VTA1: variants seen among roughly 807,000 people sequenced by gnomAD.
The protein encoded by VTA1 is vesicle trafficking 1, also known as vacuolar protein sorting-associated protein VTA1 homolog.
In VTA1, 24 loss-of-function variants were observed where a neutral mutation model predicts 36.9. The ratio of observed to expected loss-of-function variants is 0.65; its 90% confidence interval spans 0.47 to 0.91. The LOEUF (loss-of-function observed/expected upper bound fraction) is 0.91. Ranked by LOEUF, VTA1 falls within the 40% of genes least tolerant of loss-of-function variation. The probability of loss-of-function intolerance (pLI) is 0.00; values close to 1 mark genes in which losing one functional copy is unlikely to be tolerated. For missense variants in VTA1, 393 were observed against 377.2 expected (o/e 1.04, Z -0.35); for synonymous variants, 142 against 130.2 (o/e 1.09, Z -0.62).
At chr6:142,213,999 G>GTT (rs375884348) in intron 7 of VTA1, among the ~76,000 whole-genome samples, 2 of 150,636 alleles carry the variant, frequency 1.3e-5, no homozygotes, top group Non-Finnish European at 3.0e-5. Context: ...AGAAAACAGG[G>GTT]TTTTTTTTTT....
rs928027588 is a variant in VTA1, at chr6:142,224,603, A to G, written c.*5960A>G. ...TTCACATGAAGCTTGATGCATTGTAAGTATTCTGACCTGGTGAAATAAATA... is the reference window on the plus strand; with the variant it reads ...TTCACATGAAGCTTGATGCATTGTAGGTATTCTGACCTGGTGAAATAAATA... On this transcript the variant is annotated 3_prime_UTR_variant, in exon 8 of 8. Coordinates refer to ENST00000367630, the MANE Select transcript of VTA1 (RefSeq NM_016485.5). 2.0e-5 allele frequency: 3 copies of G among 152,190 alleles called. No homozygotes were observed. Among genetic ancestry groups the G allele is most frequent in the South Asian group, 4.1e-4 (2 of 4,826 alleles). 9.4% of individuals were successfully genotyped at this position (152,190 alleles called of 1,614,324 possible). A position where few individuals can be genotyped will look rare whatever the true frequency, so the allele number is the denominator to read the frequency against.
At chr6:142,170,258 T>C in intron 3 of VTA1, 88 bp from the exon 4 acceptor site, 1 of 907,542 alleles carries the variant, frequency 1.1e-6, no homozygotes, top group Non-Finnish European at 1.7e-6. Flanking sequence ...TTTATAAAGA[T>C]AGGAATTTTT....
At chr6:142,153,418 C>T (rs923308136) in intron 1 of VTA1, among the ~76,000 whole-genome samples, 1 of 151,610 alleles carries the variant, frequency 6.6e-6, no homozygotes, top group Non-Finnish European at 1.5e-5. Flanking sequence ...AACTCATTAC[C>T]TTACTATGTT....
At chr6:142,195,500 T>G (rs938508176) in intron 5 of VTA1, among the ~76,000 whole-genome samples, 2 of 151,764 alleles carry the variant, frequency 1.3e-5, no homozygotes, top group Non-Finnish European at 2.9e-5. Flanking sequence ...GTTTTAATTT[T>G]TTTTATTATC....
intron 1 of VTA1, among the ~76,000 whole-genome samples, chr6:142,154,786 G>C (rs1319142170): frequency 6.6e-6 from 1 of 151,926 alleles, no homozygotes; most frequent in East Asian, 1.9e-4. Context: ...ATGTCTTCAT[G>C]TTTTTGCTCA....
At position 142,149,459 on chromosome 6, in the gene VTA1, T is replaced by C. The variant is rs535300965; in HGVS notation, c.112+2060T>C. ...GTGGGTGTGAAATGGTGGTGTCTCATTGGAGCGAAATCTGCAATTCTCTGA... is the reference window on the plus strand; with the variant it reads ...GTGGGTGTGAAATGGTGGTGTCTCACTGGAGCGAAATCTGCAATTCTCTGA... On this transcript the variant is annotated intron_variant, in intron 1 of 7. Coordinates refer to ENST00000367630, the MANE Select transcript of VTA1 (RefSeq NM_016485.5). Among the ~76,000 whole-genome samples, 58 of 152,350 alleles carry C rather than the reference T, an allele frequency of 3.8e-4. 2 individuals carry two copies. Among genetic ancestry groups the C allele is most frequent in the Non-Finnish European group, 4.3e-4 (29 of 68,028 alleles).
chr6:142,208,441 C>T (rs959749536), intron 7 of VTA1, among the ~76,000 whole-genome samples: 1 of 152,066 alleles, frequency 6.6e-6, no homozygotes, highest in African/African-American at 2.4e-5. Flanking sequence ...ATATAGAAAT[C>T]TACCTCAGAA....
At chr6:142,184,363 AAGATTAT>A (rs1775300723) in intron 4 of VTA1, among the ~76,000 whole-genome samples, 1 of 150,104 alleles carries the variant, frequency 6.7e-6, no homozygotes, top group African/African-American at 2.5e-5. Context: ...CTAAAATGAT[AAGATTAT>A]AGAATCCCAA....
At chr6:142,188,502 C>G (rs903253805) in intron 4 of VTA1, among the ~76,000 whole-genome samples, 3 of 151,938 alleles carry the variant, frequency 2.0e-5, no homozygotes, top group Non-Finnish European at 4.4e-5. Context: ...CATGAGCCAC[C>G]GTGCCTGTTT....
chr6:142,170,587 A>G (rs1417369535), intron 4 of VTA1, among the ~76,000 whole-genome samples, 166 bp downstream of exon 4: 2 of 152,172 alleles, frequency 1.3e-5, no homozygotes, highest in Non-Finnish European at 2.9e-5. Context: ...AAAGTAAATT[A>G]TTTCCAATAA....
Position 142,198,548 on chromosome 6 carries a change from T to G in VTA1, c.630T>G (p.Thr210=), listed in dbSNP as rs1268945309. The stretch of plus-strand genomic sequence containing the variant: ...GCAACATGCCATCAGGCAACTATAC[T>G]GGAATACAGATTCCTCCGGGTGCAC... The part of the protein sequence containing the change: ...DPSNMPSGNY[T]GIQIPPGAHA... Residue 210 remains threonine (T), a synonymous_variant, in exon 6 of 8, where the codon ACT becomes ACG. Coordinates refer to ENST00000367630, the MANE Select transcript of VTA1 (RefSeq NM_016485.5). 8 of 1,614,000 alleles carry G rather than the reference T, an allele frequency of 5.0e-6. 1 individual carries two copies. The highest frequency in any genetic ancestry group is 4.4e-5 in the South Asian group (4 of 91,078).
intron 4 of VTA1, among the ~76,000 whole-genome samples, chr6:142,188,487 A>G (rs749101170): frequency 2.6e-5 from 4 of 152,086 alleles, no homozygotes; most frequent in African/African-American, 4.8e-5. Flanking sequence ...TGGTGGGATT[A>G]CAGGCATGAG....
chr6:142,160,403 C>T (rs1774777850), intron 1 of VTA1, among the ~76,000 whole-genome samples: 3 of 152,108 alleles, frequency 2.0e-5, no homozygotes, highest in Admixed American at 1.3e-4. Context: ...GGAGCTTCCC[C>T]CTGCACACCA....
In VTA1 at chr6:142,147,334, G is replaced by A. The variant is rs756168931; in HGVS notation, c.47G>A (p.Ser16Asn). The A allele has an allele frequency of 9.9e-6, 16 of 1,614,120 alleles. No individual in the cohort carries two copies. Among genetic ancestry groups the A allele is most frequent in the Non-Finnish European group, 1.4e-5 (16 of 1,180,052 alleles). ...CCCCCGCTCCCCGCACAGTTCAAGA[G>A]CATACAGCATCATCTGAGGACGGCT... is the stretch of plus-strand genomic sequence containing the variant. The part of the protein sequence containing the change: ...PLPPLPAQFK[S>N]IQHHLRTAQE... Residue 16 changes from serine to asparagine, a missense_variant, in exon 1 of 8, where the codon AGC (serine) becomes AAC (asparagine). Transcript: ENST00000367630.
intron 4 of VTA1, among the ~76,000 whole-genome samples, chr6:142,173,729 A>T (rs536567166): frequency 6.6e-6 from 1 of 152,206 alleles, no homozygotes; most frequent in Non-Finnish European, 1.5e-5. Context: ...CATAAGCTAC[A>T]TTAATTTATC....
At chr6:142,189,361 C>T (rs375141089) in intron 4 of VTA1, 65 bp from the exon 5 acceptor site, 2 of 1,330,412 alleles carry the variant, frequency 1.5e-6, no homozygotes, top group South Asian at 1.3e-5. Flanking sequence ...TATAGGTCAT[C>T]ATAAATGTTT....
intron 1 of VTA1, among the ~76,000 whole-genome samples, chr6:142,163,400 T>C (rs1774847928): frequency 6.6e-6 from 1 of 152,178 alleles, no homozygotes; most frequent in Admixed American, 6.5e-5. Context: ...TCTGGGAATA[T>C]AATATTAGTC....
intron 4 of VTA1, 73 bp from the exon 5 acceptor site, chr6:142,189,353 T>C (rs548348479): frequency 4.9e-6 from 6 of 1,219,050 alleles, no homozygotes; most frequent in African/African-American, 3.0e-5. Context: ...AAATATGATA[T>C]AGGTCATCAT....
chr6:142,211,146 G>A (rs1317509897), intron 7 of VTA1, among the ~76,000 whole-genome samples: 2 of 151,966 alleles, frequency 1.3e-5, no homozygotes, highest in East Asian at 3.9e-4. Context: ...AGGTAGATTA[G>A]TGGTTACCAA....
Sources: gnomAD v4.1 joint callset for allele counts (sites outside exome capture counted in the v4.1 genomes callset) on GRCh38, gnomAD v4.1.1 for gene constraint, MANE v1.5 for transcripts, NCBI Gene and HGNC (gene_info 2026-07-23, HGNC 2026-07-21) for gene names.